Variants in HOXA3 observed in about 807,000 individuals in gnomAD.
HOXA3 encodes the protein homeobox A3.
A neutral mutation model predicts 30.3 loss-of-function variants in HOXA3; 8 were observed. The ratio of observed to expected loss-of-function variants is 0.26; its 90% CI spans 0.15 to 0.48. The LOEUF (loss-of-function observed/expected upper bound fraction) is 0.48, where lower values mean the gene tolerates loss of function less well. HOXA3 is among the 20% of genes least tolerant of loss of function. The probability of loss-of-function intolerance (pLI) is 0.99; values close to 1 mark genes in which losing one functional copy is unlikely to be tolerated. For missense variants in HOXA3, 653 were observed against 614.4 expected, an observed-to-expected ratio of 1.06 and a Z score of -0.66; for synonymous variants, 323 against 273.1, an observed-to-expected ratio of 1.18 and a Z score of -1.80.
At chr7:27,128,622 C>T in intron 2 of HOXA3, 1 of 158,076 alleles carries the variant, frequency 6.3e-6, no homozygotes, top group Admixed American at 6.0e-5. Flanking sequence ...CTCCCCTCTC[C>T]CCAAAGACCG....
At chr7:27,143,845 G>A (rs1254206249) in intron 1 of HOXA3, among the ~76,000 whole-genome samples, 8 of 152,106 alleles carry the variant, frequency 5.3e-5, no homozygotes, top group Non-Finnish European at 1.5e-5. Flanking sequence ...TTGGGTGGAG[G>A]CGAGGGGGGT....
intron 2 of HOXA3, among the ~76,000 whole-genome samples, chr7:27,135,462 T>G (rs1785682262): frequency 1.3e-5 from 2 of 152,148 alleles, no homozygotes; most frequent in African/African-American, 4.8e-5. Flanking sequence ...GAAGGGAGAA[T>G]TCTGTGTCTT....
chr7:27,112,840 G>A (rs935342963), intron 4 of HOXA3, among the ~76,000 whole-genome samples: 3 of 152,164 alleles, frequency 2.0e-5, no homozygotes, highest in African/African-American at 7.2e-5. Context: ...CCATTATCAC[G>A]TTATACCAGC....
At chr7:27,117,177 C>T (rs1283074717) in intron 4 of HOXA3, among the ~76,000 whole-genome samples, 1 of 152,206 alleles carries the variant, frequency 6.6e-6, no homozygotes, top group Admixed American at 6.5e-5. Flanking sequence ...TCATCTGCCT[C>T]CACCCTGGCT....
At chr7:27,115,980 G>A (rs897568068) in intron 4 of HOXA3, 3 of 152,636 alleles carry the variant, frequency 2.0e-5, no homozygotes, top group African/African-American at 7.2e-5. Context: ...TTTATTTGTT[G>A]GTTTGCTATT....
intron 4 of HOXA3, among the ~76,000 whole-genome samples, chr7:27,117,859 C>T (rs1410823920): frequency 6.6e-6 from 1 of 151,964 alleles, no homozygotes; most frequent in Admixed American, 6.6e-5. Context: ...GCTCCTGAGA[C>T]TCCAGCCCTG....
At chr7:27,136,221 G>T (rs1252725375) in intron 2 of HOXA3, among the ~76,000 whole-genome samples, 1 of 152,152 alleles carries the variant, frequency 6.6e-6, no homozygotes, top group Non-Finnish European at 1.5e-5. Context: ...GGGGGAAGGG[G>T]CCCCCCAGCA....
At chr7:27,129,346 A>C in intron 2 of HOXA3, 1 of 1,614,162 alleles carries the variant, frequency 6.2e-7, no homozygotes, top group Non-Finnish European at 8.5e-7. Flanking sequence ...GGAGGATCGC[A>C]TCTTGGTGTT....
intron 1 of HOXA3, chr7:27,145,457 GT>G: frequency 4.7e-6 from 1 of 214,202 alleles, no homozygotes. Context: ...GTTTTGTTTT[GT>G]TTTGTTTTGT....
intron 3 of HOXA3, among the ~76,000 whole-genome samples, chr7:27,125,734 G>A (rs888514723): frequency 5.9e-5 from 9 of 152,246 alleles, no homozygotes; most frequent in Admixed American, 5.2e-4. Context: ...CACTCATTCA[G>A]AGGGGAAGCC....
At position 27,130,688 on chromosome 7, in the gene HOXA3, T is replaced by C. The variant is rs147843309; in HGVS notation, c.-389-3618A>G. ...GCGTACTCCTCGAAGGGAGGGAACT[T>C]GGGCTCGATGTAGTTGGAGTTTATC... is the stretch of plus-strand genomic sequence containing the variant. On this transcript the variant is annotated intron_variant, in intron 2 of 5. Transcript: ENST00000612286. 1.6e-4 allele frequency: 255 copies of C among 1,608,514 alleles called. No individual in the cohort carries two copies. The highest frequency in any genetic ancestry group is 2.1e-4 in the Non-Finnish European group (242 of 1,177,390).
chr7:27,143,176 G>A (rs1411109697), intron 1 of HOXA3: 2 of 1,611,060 alleles, frequency 1.2e-6, no homozygotes, highest in Middle Eastern at 1.9e-4. Flanking sequence ...CGGACGCCGT[G>A]CCAACCCCCT....
In HOXA3 at chr7:27,152,459, G is replaced by A; in HGVS notation, c.-665C>T. On this transcript the variant is annotated 5_prime_UTR_variant, in exon 1 of 6. Coordinates refer to ENST00000612286, the MANE Select transcript of HOXA3 (RefSeq NM_153631.3). ...GAACGGAGCGCGCCCAATCTCCAGCGGGAGCCGCCAGGCCTGGCCTGGCCG... is the reference window on the plus strand; with the variant it reads ...GAACGGAGCGCGCCCAATCTCCAGCAGGAGCCGCCAGGCCTGGCCTGGCCG... The A allele has an allele frequency of 8.7e-6, 10 of 1,151,534 alleles. No homozygotes were observed. Among genetic ancestry groups the A allele is most frequent in the South Asian group, 1.7e-5 (1 of 59,606 alleles). The allele number at this position is 1,151,534 out of a possible 1,614,324, so 71.3% of individuals were successfully genotyped here.
intron 1 of HOXA3, chr7:27,143,371 C>CGCGCTG: frequency 3.1e-6 from 5 of 1,588,404 alleles, no homozygotes; most frequent in Non-Finnish European, 4.3e-6. Context: ...CGGCGGGCGC[C>CGCGCTG]GCGCTGGCGC....
At position 27,108,936 on chromosome 7, in the gene HOXA3, G is replaced by A. The variant is rs188503574; in HGVS notation, c.527-216C>T. ...AGGAGCAAATCACAGCCTTCTCGGG[G>A]GAAAGGACAGAGAAGTAGAACCCCC... On this transcript the variant is annotated intron_variant, in intron 5 of 5. Transcript: ENST00000612286. The surrounding 1 kb of genome is among the most constrained non-coding windows in gnomAD (Gnocchi z 5.0). Among the ~76,000 whole-genome samples, 5 of 152,112 alleles carry A rather than the reference G, an allele frequency of 3.3e-5. No homozygotes were observed. The highest frequency in any genetic ancestry group is 2.9e-5 in the Non-Finnish European group (2 of 68,020).
At chr7:27,133,409 C>T (rs767215794) in intron 2 of HOXA3, among the ~76,000 whole-genome samples, 6 of 152,200 alleles carry the variant, frequency 3.9e-5, no homozygotes, top group Non-Finnish European at 7.3e-5. Context: ...AGCAGCATCT[C>T]GCCTGAGAAA....
At chr7:27,120,505 C>T (rs535541296) in intron 4 of HOXA3, among the ~76,000 whole-genome samples, 3 of 144,782 alleles carry the variant, frequency 2.1e-5, no homozygotes, top group Admixed American at 7.1e-5. Flanking sequence ...CGTACCACTG[C>T]ACTCCAGCCT....
At chr7:27,136,103 C>T (rs1785703266) in intron 2 of HOXA3, among the ~76,000 whole-genome samples, 1 of 152,202 alleles carries the variant, frequency 6.6e-6, no homozygotes, top group Non-Finnish European at 1.5e-5. Context: ...TCTGTCTGGG[C>T]AGATGACTAA....
chr7:27,130,500 G>C, intron 2 of HOXA3: 1 of 1,285,972 alleles, frequency 7.8e-7, no homozygotes. Flanking sequence ...GCTCGCGGGC[G>C]GTCCGCGGCG....
Sources: gnomAD v4.1 joint callset for allele counts (sites outside exome capture counted in the v4.1 genomes callset) on GRCh38, gnomAD v4.1.1 for gene constraint, Gnocchi (gnomAD v3.1) non-coding constraint, MANE v1.5 for transcripts, NCBI Gene and HGNC (gene_info 2026-07-23, HGNC 2026-07-21) for gene names.